The following EPC1 variants were observed in gnomAD, a reference collection of about 807,000 sequenced individuals.
The protein encoded by EPC1 is enhancer of polycomb 1.
A neutral mutation model predicts 98.4 loss-of-function variants in EPC1; 12 were observed. The observed-to-expected ratio is 0.12, with a 90% CI of 0.08 to 0.20. The LOEUF (loss-of-function observed/expected upper bound fraction) is 0.20. Ranked by LOEUF, EPC1 falls within the 10% of genes least tolerant of loss-of-function variation. The pLI is 1.00. For missense variants in EPC1, 729 were observed against 990.5 expected, an observed-to-expected ratio of 0.74 and a Z score of 3.54; for synonymous variants, 357 against 363.9, an observed-to-expected ratio of 0.98 and a Z score of 0.21.
At chr10:32,342,751 C>T (rs898241054) in intron 1 of EPC1, among the ~76,000 whole-genome samples, 1 of 152,128 alleles carries the variant, frequency 6.6e-6, no homozygotes, top group Non-Finnish European at 1.5e-5. Flanking sequence ...TGGAACAACG[C>T]ACCCTAGACA....
chr10:32,341,319 GTGTGTGTGTGTC>G (rs1592618840), intron 1 of EPC1, among the ~76,000 whole-genome samples: 1 of 110,552 alleles, frequency 9.0e-6, no homozygotes, highest in African/African-American at 3.1e-5. Context: ...ACACATGTCT[GTGTGTGTGTGTC>G]TGTGTGTGTG....
At chr10:32,346,123 C>A (rs541499881) in intron 1 of EPC1, among the ~76,000 whole-genome samples, 1 of 152,208 alleles carries the variant, frequency 6.6e-6, no homozygotes, top group Non-Finnish European at 1.5e-5. Context: ...GTCGTCCGGG[C>A]AAACACGCTG....
At chr10:32,350,011 C>A (rs1839065953), upstream of EPC1, among the ~76,000 whole-genome samples, 1 of 152,082 alleles carries the variant, frequency 6.6e-6, no homozygotes, top group Non-Finnish European at 1.5e-5. Flanking sequence ...CGAAAGATTC[C>A]TTGAAAAAAT....
chr10:32,272,458 C>T (rs190041541), intron 11 of EPC1, among the ~76,000 whole-genome samples: 20 of 152,212 alleles, frequency 1.3e-4, no homozygotes, highest in South Asian at 2.1e-4. Flanking sequence ...AACAGCAAAC[C>T]TCCAACACAA....
At chr10:32,314,133 AT>A (rs1397995307) in intron 1 of EPC1, among the ~76,000 whole-genome samples, 2 of 152,220 alleles carry the variant, frequency 1.3e-5, no homozygotes, top group Non-Finnish European at 2.9e-5. Flanking sequence ...AACAAAGGAA[AT>A]AAAGTTAAAT....
intron 6 of EPC1, among the ~76,000 whole-genome samples, chr10:32,290,693 A>C (rs1346296617): frequency 6.6e-6 from 1 of 151,976 alleles, no homozygotes; most frequent in African/African-American, 2.4e-5. Context: ...ATAAAATTTT[A>C]ATTATAGACT....
At chr10:32,322,812 T>C (rs1189000872) in intron 1 of EPC1, among the ~76,000 whole-genome samples, 2 of 151,856 alleles carry the variant, frequency 1.3e-5, no homozygotes, top group Non-Finnish European at 2.9e-5. Context: ...AATAAAGTGA[T>C]GGTTACCAAA....
At chr10:32,360,513 T>A (rs1839412422) in intron 1 of EPC1, among the ~76,000 whole-genome samples, 1 of 152,212 alleles carries the variant, frequency 6.6e-6, no homozygotes, top group African/African-American at 2.4e-5. Flanking sequence ...CAGCAGGATG[T>A]ACCAGAAGGA....
At chr10:32,290,505 A>AAGAAAGAAAGAAAG (rs1554819134) in intron 6 of EPC1, among the ~76,000 whole-genome samples, 22 of 77,520 alleles carry the variant, frequency 2.8e-4, no homozygotes, top group African/African-American at 1.2e-3. Flanking sequence ...AAAAAAAAAA[A>AAGAAAGAAAGAAAG]AAAGAAAGAA....
intron 1 of EPC1, among the ~76,000 whole-genome samples, chr10:32,346,059 CA>C (rs1592626510): frequency 1.3e-5 from 2 of 152,330 alleles, no homozygotes; most frequent in East Asian, 3.9e-4. Context: ...GGGATGGATA[CA>C]AACGTCCCAG....
intron 1 of EPC1, among the ~76,000 whole-genome samples, chr10:32,341,566 A>G (rs1473123316): frequency 6.6e-6 from 1 of 152,234 alleles, no homozygotes; most frequent in Non-Finnish European, 1.5e-5. Flanking sequence ...AAAAAATGTA[A>G]TTCAGTACAA....
chr10:32,340,538 G>A (rs1159573858), intron 1 of EPC1, among the ~76,000 whole-genome samples: 2 of 152,158 alleles, frequency 1.3e-5, no homozygotes, highest in Admixed American at 6.5e-5. Context: ...TAAATTAAAA[G>A]CAATTCTAGG....
At chr10:32,378,360 G>A (rs1839912839) in intron 1 of EPC1, 2 of 582,518 alleles carry the variant, frequency 3.4e-6, no homozygotes, top group Admixed American at 3.8e-5. Context: ...GCAAGATTAG[G>A]TAGAACGTGC....
chr10:32,319,581 G>C (rs759030647), intron 1 of EPC1, among the ~76,000 whole-genome samples: 3 of 151,974 alleles, frequency 2.0e-5, no homozygotes, highest in Non-Finnish European at 4.4e-5. Flanking sequence ...GAAAACATCA[G>C]ACAAACCTAA....
upstream of EPC1, chr10:32,347,253 G>C: frequency 8.6e-7 from 1 of 1,160,832 alleles, no homozygotes; most frequent in Non-Finnish European, 1.1e-6. Context: ...CGAGGCCGGC[G>C]CCGGCACGAA....
At position 32,369,629 on chromosome 10, in the gene EPC1, AGAAT is replaced by A. The variant is rs376031018; in HGVS notation, c.3+8858_3+8861del. ...GCATATTTTAACTCCAGAAAGATTT[AGAAT>A]GTGCTGTCGAAAGTACTGCATTTTT... On this transcript the variant is annotated intron_variant, in intron 1 of 13. Transcript: ENST00000375110. 6.1e-3 allele frequency among the ~76,000 whole-genome samples: 922 copies of A among 152,364 alleles called. 6 individuals are homozygous for A. Among genetic ancestry groups the A allele is most frequent in the African/African-American group, 0.021 (870 of 41,582 alleles).
At chr10:32,316,837 A>C (rs1023296755) in intron 1 of EPC1, among the ~76,000 whole-genome samples, 1 of 152,200 alleles carries the variant, frequency 6.6e-6, no homozygotes, top group East Asian at 1.9e-4. Context: ...CAAATAGTGA[A>C]CTCTAATGAA....
intron 1 of EPC1, chr10:32,345,593 T>A (rs927445207): frequency 5.1e-5 from 50 of 985,436 alleles, no homozygotes; most frequent in Non-Finnish European, 6.0e-5. Flanking sequence ...TTCCTTAGGA[T>A]TAGAAGTCAT....
chr10:32,361,129 C>G (rs1189048490), intron 1 of EPC1, among the ~76,000 whole-genome samples: 7 of 152,214 alleles, frequency 4.6e-5, no homozygotes, highest in Admixed American at 4.6e-4. Flanking sequence ...TCCTTTAGGT[C>G]AACAGCTTTA....
Sources: allele counts gnomAD v4.1 joint callset (sites outside exome capture counted in the v4.1 genomes callset), GRCh38; gene constraint gnomAD v4.1.1; transcripts MANE v1.5; gene names NCBI Gene and HGNC (gene_info 2026-07-23, HGNC 2026-07-21).